Variants in ETS1 observed in about 807,000 individuals in gnomAD.
The protein encoded by ETS1 is ETS proto-oncogene 1, transcription factor.
ETS1 carries 15 observed loss-of-function variants against 58.6 expected under a neutral mutation model. That is an observed-to-expected ratio of 0.26 (90% CI 0.17 to 0.39). The LOEUF (loss-of-function observed/expected upper bound fraction) is 0.39, where lower values mean the gene tolerates loss of function less well. Ranked by LOEUF, ETS1 falls within the 10% of genes least tolerant of loss-of-function variation. ETS1 has a pLI of 1.00. For synonymous variants in ETS1, 214 were observed against 218.2 expected (o/e 0.98, Z 0.17); for missense variants, 417 against 610.5 (o/e 0.68, Z 3.34).
chr11:128,495,128 A>G (rs866791736), intron 3 of ETS1, among the ~76,000 whole-genome samples: 1 of 152,198 alleles, frequency 6.6e-6, no homozygotes, highest in African/African-American at 2.4e-5. Flanking sequence ...TCCCCATTTC[A>G]CAGATGAGGA....
At chr11:128,586,129 C>G (rs1279433995) in intron 1 of ETS1, among the ~76,000 whole-genome samples, 1 of 152,214 alleles carries the variant, frequency 6.6e-6, no homozygotes, top group Admixed American at 6.5e-5. Context: ...GCAGCGGAAC[C>G]AGGACGGAAG....
chr11:128,520,979 TA>T (rs964602033), intron 3 of ETS1, among the ~76,000 whole-genome samples: 4 of 152,200 alleles, frequency 2.6e-5, no homozygotes, highest in Admixed American at 2.6e-4. Flanking sequence ...GATCTTTCTA[TA>T]TACTTTCACC....
At chr11:128,496,490 C>T (rs1057081546) in intron 3 of ETS1, among the ~76,000 whole-genome samples, 1 of 152,148 alleles carries the variant, frequency 6.6e-6, no homozygotes, top group Non-Finnish European at 1.5e-5. Flanking sequence ...CTGCCGACAA[C>T]AAGTCCCAGT....
intron 3 of ETS1, among the ~76,000 whole-genome samples, chr11:128,513,713 C>CT (rs1332131351): frequency 6.6e-6 from 1 of 152,172 alleles, no homozygotes; most frequent in Non-Finnish European, 1.5e-5. Flanking sequence ...CATGGAAACT[C>CT]TTTCACTGAA....
At chr11:128,538,609 A>C (rs774271918) in intron 3 of ETS1, among the ~76,000 whole-genome samples, 2 of 152,190 alleles carry the variant, frequency 1.3e-5, no homozygotes, top group African/African-American at 4.8e-5. Flanking sequence ...CTTGTCTGTA[A>C]AATGGAGTTA....
chr11:128,579,931 T>C (rs955194119), intron 1 of ETS1, among the ~76,000 whole-genome samples: 1 of 151,876 alleles, frequency 6.6e-6, no homozygotes, highest in African/African-American at 2.4e-5. Context: ...TGCCCCTCCA[T>C]GGGATTTACT....
rs115805775 is a variant in ETS1 at position 128,461,393 on chromosome 11, C to A, written c.*968G>T. The A allele has an allele frequency of 1.3e-5, 2 of 152,734 alleles. No homozygotes were observed. The highest frequency in any genetic ancestry group is 3.7e-4 in the East Asian group (2 of 5,344). The allele number at this position is 152,734 out of a possible 1,614,324, so 9.5% of individuals were successfully genotyped here. On this transcript the variant is annotated 3_prime_UTR_variant, in exon 10 of 10. Transcript: ENST00000392668. ...TCAACAGTGCTCCTACGTTTACTGT[C>A]GTCCAAAACCAGGGATGCAAAATAC...
chr11:128,566,609 C>A lies in ETS1; in HGVS notation c.69+6453G>T, dbSNP rs567629723. On this transcript the variant is annotated intron_variant, in intron 2 of 9. Transcript: ENST00000392668. ...CCATCCTGGCTAACACAGTGAAACC[C>A]CGTCTCTACTAAAAATACAAAAAAT... 2.0e-5 allele frequency among the ~76,000 whole-genome samples: 3 copies of A among 152,196 alleles called. No homozygotes were observed. The South Asian group carries it at 6.2e-4, about 32-fold the overall frequency.
intron 3 of ETS1, among the ~76,000 whole-genome samples, chr11:128,523,389 G>C (rs972538404): frequency 2.0e-5 from 3 of 152,224 alleles, no homozygotes; most frequent in African/African-American, 7.2e-5. Flanking sequence ...ACCAGTACAT[G>C]TATATATCTA....
intron 3 of ETS1, among the ~76,000 whole-genome samples, chr11:128,514,186 G>A (rs984836896): frequency 2.0e-5 from 3 of 151,870 alleles, no homozygotes; most frequent in South Asian, 2.1e-4. Context: ...GAGGTTTAAC[G>A]CTTATTCTGA....
chr11:128,484,739 A>T, intron 7 of ETS1, 84 bp downstream of exon 7: 1 of 1,363,298 alleles, frequency 7.3e-7, no homozygotes, highest in Non-Finnish European at 1.0e-6. Context: ...TAAATAAGAA[A>T]AAAAAAATGG....
intron 8 of ETS1, among the ~76,000 whole-genome samples, chr11:128,472,842 G>A (rs993591316): frequency 9.9e-5 from 15 of 152,140 alleles, no homozygotes; most frequent in Non-Finnish European, 1.5e-4. Context: ...CCTTCTCTTC[G>A]CTGCCTTTTT....
chr11:128,494,974 T>C (rs1256016882), intron 3 of ETS1, among the ~76,000 whole-genome samples: 1 of 152,160 alleles, frequency 6.6e-6, no homozygotes, highest in East Asian at 1.9e-4. Flanking sequence ...TCACACTCAA[T>C]AGCAGCATGA....
chr11:128,500,611 T>C (rs1180284224), intron 3 of ETS1, among the ~76,000 whole-genome samples: 2 of 152,146 alleles, frequency 1.3e-5, no homozygotes, highest in East Asian at 1.9e-4. Context: ...TAAATAAATC[T>C]GGACTGAGAA....
intron 2 of ETS1, among the ~76,000 whole-genome samples, chr11:128,572,582 T>C (rs922372454): frequency 4.6e-5 from 7 of 152,212 alleles, no homozygotes; most frequent in Middle Eastern, 3.2e-3. Context: ...AGTTTCTTTG[T>C]CCCCTCTTAT....
chr11:128,582,390 T>C (rs1040144780), intron 1 of ETS1, among the ~76,000 whole-genome samples: 4 of 152,210 alleles, frequency 2.6e-5, no homozygotes, highest in Non-Finnish European at 5.9e-5. Context: ...GTATAAATAG[T>C]AAAAATGGTC....
At chr11:128,522,060 A>T (rs1382424706) in intron 3 of ETS1, 6 of 1,487,752 alleles carry the variant, frequency 4.0e-6, no homozygotes, top group African/African-American at 1.4e-5. Context: ...TTTCTTTTTA[A>T]TGAGGATTAG....
At chr11:128,467,696 T>G (rs1862075497) in intron 8 of ETS1, among the ~76,000 whole-genome samples, 1 of 152,082 alleles carries the variant, frequency 6.6e-6, no homozygotes, top group Admixed American at 6.5e-5. Context: ...CTCATAATGG[T>G]GTCCCTGTCT....
rs778209368 is a variant in ETS1, at chr11:128,462,321, G to A, written c.*40C>T. On this transcript the variant is annotated 3_prime_UTR_variant, in exon 10 of 10. Transcript: ENST00000392668. The stretch of plus-strand genomic sequence containing the variant: ...GAGTCCAACCAACACGGCTGTCCTT[G>A]GAAGGTCTCAGCAGGGTTTCCCCAG... The A allele has an allele frequency of 6.8e-7, 1 of 1,479,424 alleles. No homozygotes were observed. The highest frequency in any genetic ancestry group is 9.4e-7 in the Non-Finnish European group (1 of 1,061,004). 91.6% of individuals were successfully genotyped at this position (1,479,424 alleles called of 1,614,324 possible).
Sources: gnomAD v4.1 joint callset for allele counts (sites outside exome capture counted in the v4.1 genomes callset) on GRCh38, gnomAD v4.1.1 for gene constraint, MANE v1.5 for transcripts, NCBI Gene and HGNC (gene_info 2026-07-23, HGNC 2026-07-21) for gene names.